TSPAN2: variants seen among roughly 807,000 people sequenced by gnomAD.
TSPAN2 encodes the protein tetraspanin-2.
A neutral mutation model predicts 33.3 loss-of-function variants in TSPAN2; 24 were observed. That is an observed-to-expected ratio of 0.72 (90% confidence interval 0.52 to 1.01). The LOEUF (loss-of-function observed/expected upper bound fraction) is 1.01. TSPAN2 is among the 50% of genes least tolerant of loss of function. TSPAN2 has a pLI of 0.00. For synonymous variants in TSPAN2, 114 were observed against 104.5 expected (o/e 1.09, Z -0.56); for missense variants, 278 against 281.3 (o/e 0.99, Z 0.08).
At chr1:115,058,723 A>G (rs916880598) in intron 5 of TSPAN2, among the ~76,000 whole-genome samples, 160 bp downstream of exon 5, 1 of 152,178 alleles carries the variant, frequency 6.6e-6, no homozygotes, top group Non-Finnish European at 1.5e-5. Flanking sequence ...CTAGGGTTCC[A>G]CACATAATGC....
chr1:115,059,591 C>T (rs1356662648), intron 4 of TSPAN2, among the ~76,000 whole-genome samples: 3 of 152,328 alleles, frequency 2.0e-5, no homozygotes, highest in Non-Finnish European at 2.9e-5. Context: ...AAAAGGTATT[C>T]ATCACCAAGG....
intron 1 of TSPAN2, 139 bp downstream of exon 1, chr1:115,089,225 C>G: frequency 1.7e-6 from 1 of 593,476 alleles, no homozygotes; most frequent in Non-Finnish European, 2.8e-6. Flanking sequence ...TGTTTGCCTT[C>G]TCCTCGCCTC....
At position 115,081,194 on chromosome 1, in the gene TSPAN2, AT is replaced by A. The variant is rs1648611640; in HGVS notation, c.69+8169del. On this transcript the variant is annotated intron_variant, in intron 1 of 7. Transcript: ENST00000369516. ...TCTATAGAGATTTTTCTTAAAAGCCATTTTACCAGGACCTGTTTGAGGTCAG... is the reference window on the plus strand; with the variant it reads ...TCTATAGAGATTTTTCTTAAAAGCCATTTACCAGGACCTGTTTGAGGTCAG... Among the ~76,000 whole-genome samples, 3 of 152,310 alleles carry A rather than the reference AT, an allele frequency of 2.0e-5. No individual in the cohort carries two copies. The South Asian group carries it at 6.2e-4, about 32-fold the overall frequency.
chr1:115,073,418 G>A (rs1167539872), intron 1 of TSPAN2, among the ~76,000 whole-genome samples: 1 of 152,144 alleles, frequency 6.6e-6, no homozygotes, highest in Non-Finnish European at 1.5e-5. Flanking sequence ...AGGTGACTAT[G>A]TCTCAGCTGC....
chr1:115,071,756 C>G (rs762795665), intron 2 of TSPAN2, among the ~76,000 whole-genome samples: 30 of 152,174 alleles, frequency 2.0e-4, no homozygotes, highest in Non-Finnish European at 3.7e-4. Flanking sequence ...TTCTGCTACT[C>G]TCCTCTAAAA....
intron 1 of TSPAN2, 50 bp downstream of exon 1, chr1:115,089,314 C>T: frequency 1.4e-6 from 2 of 1,432,702 alleles, no homozygotes; most frequent in Non-Finnish European, 1.9e-6. Context: ...GGCCCCGCGC[C>T]CGCCACCCGG....
At position 115,062,057 on chromosome 1, in the gene TSPAN2, G is replaced by T. The variant is rs772044723; in HGVS notation, c.270+78C>A. 48 of 1,265,056 alleles carry T rather than the reference G, an allele frequency of 3.8e-5. No individual in the cohort carries two copies. In the Middle Eastern group the frequency reaches 6.2e-4, roughly 16 times the overall value. 78.4% of individuals were successfully genotyped at this position (1,265,056 alleles called of 1,614,324 possible). The stretch of plus-strand genomic sequence containing the variant: ...GTCCACGGAGGAGCTGGAGCCAGGG[G>T]CCAGAGGCACTGACTCCCTTCAGAT... On this transcript the variant is annotated intron_variant, in intron 3 of 7. Coordinates refer to ENST00000369516, the MANE Select transcript of TSPAN2 (RefSeq NM_005725.6).
At chr1:115,071,057 TC>T (rs1648152186) in intron 2 of TSPAN2, among the ~76,000 whole-genome samples, 1 of 152,188 alleles carries the variant, frequency 6.6e-6, no homozygotes, top group African/African-American at 2.4e-5. Context: ...CAGTTTTATG[TC>T]TACGGCAGAT....
chr1:115,086,043 G>A (rs1168192768), intron 1 of TSPAN2, among the ~76,000 whole-genome samples: 1 of 152,140 alleles, frequency 6.6e-6, no homozygotes, highest in Non-Finnish European at 1.5e-5. Context: ...CAAATGGCAA[G>A]TCACTTGGCA....
At chr1:115,085,511 G>A (rs1252838698) in intron 1 of TSPAN2, among the ~76,000 whole-genome samples, 3 of 152,270 alleles carry the variant, frequency 2.0e-5, no homozygotes, top group African/African-American at 7.2e-5. Flanking sequence ...TTGGAAGGAA[G>A]TGCTGTCACC....
Position 115,089,488 on chromosome 1 carries a change from A to T in TSPAN2, c.-56T>A. On this transcript the variant is annotated 5_prime_UTR_variant, in exon 1 of 8. Coordinates refer to ENST00000369516, the MANE Select transcript of TSPAN2 (RefSeq NM_005725.6). Reference sequence around the variant, plus strand: ...CCAGGCCCGCGCTACGAGCGCGGGGAGCGGCAGGCTCCGGCGGGGAGGGGG... The same window carrying T: ...CCAGGCCCGCGCTACGAGCGCGGGGTGCGGCAGGCTCCGGCGGGGAGGGGG... The T allele has an allele frequency of 3.9e-6, 5 of 1,270,848 alleles. No individual in the cohort carries two copies. Among genetic ancestry groups the T allele is most frequent in the South Asian group, 1.9e-5 (1 of 51,648 alleles). The allele number at this position is 1,270,848 out of a possible 1,614,324, so 78.7% of individuals were successfully genotyped here.
chr1:115,086,982 C>G (rs1220735009), intron 1 of TSPAN2, among the ~76,000 whole-genome samples: 1 of 152,014 alleles, frequency 6.6e-6, no homozygotes, highest in Non-Finnish European at 1.5e-5. Flanking sequence ...CAATGTGGCA[C>G]CATCTCAGCT....
chr1:115,063,404 T>C (rs929778588), intron 2 of TSPAN2, among the ~76,000 whole-genome samples: 6 of 152,146 alleles, frequency 3.9e-5, no homozygotes, highest in Non-Finnish European at 2.9e-5. Context: ...TGGCTTTTGT[T>C]AAAAAGTCAA....
At chr1:115,067,618 G>A (rs1404404277) in intron 2 of TSPAN2, among the ~76,000 whole-genome samples, 2 of 151,928 alleles carry the variant, frequency 1.3e-5, no homozygotes, top group East Asian at 1.9e-4. Flanking sequence ...CTTGGTGTTC[G>A]GCACTGGAAT....
intron 1 of TSPAN2, among the ~76,000 whole-genome samples, chr1:115,074,866 C>T (rs1014908411): frequency 1.3e-5 from 2 of 152,120 alleles, no homozygotes; most frequent in African/African-American, 4.8e-5. Context: ...TGGTCAATCA[C>T]CTAGGTTCCT....
chr1:115,049,333 T>C lies in TSPAN2; in HGVS notation c.*1157A>G, dbSNP rs1570961254. On this transcript the variant is annotated 3_prime_UTR_variant, in exon 8 of 8. Transcript: ENST00000369516. ...CTTGTTTCTGTTGCCCACACACAACTAGGAGAAGATGCTTTTCTTTATTTT... is the reference window on the plus strand; with the variant it reads ...CTTGTTTCTGTTGCCCACACACAACCAGGAGAAGATGCTTTTCTTTATTTT... 6.5e-6 allele frequency: 1 copy of C among 152,734 alleles called. No individual in the cohort carries two copies. The highest frequency in any genetic ancestry group is 2.4e-5 in the African/African-American group (1 of 41,574). The allele number at this position is 152,734 out of a possible 1,614,324, so 9.5% of individuals were successfully genotyped here.
rs990764501 is a variant in TSPAN2 at position 115,060,496 on chromosome 1, T to C, written c.313A>G (p.Thr105Ala). 11 of 1,613,578 alleles carry C rather than the reference T, an allele frequency of 6.8e-6. No individual in the cohort carries two copies. Among genetic ancestry groups the C allele is most frequent in the Non-Finnish European group, 9.3e-6 (11 of 1,179,772 alleles). ...LLVIFAAEVT[T>A]GVFAFIGKGV... ...TTGCCTATAAAAGCAAATACTCCAG[T>C]GGTTACTTCAGCAGCAAATATCACC... The change falls in exon 4 of 8, where the codon ACT becomes GCT. Residue 105 changes from threonine to alanine, a missense_variant. By Grantham distance (58) the Thr-to-Ala change is moderately conservative (BLOSUM62 0). Transcript: ENST00000369516.
chr1:115,088,293 C>A (rs983690426), intron 1 of TSPAN2, among the ~76,000 whole-genome samples: 2 of 152,160 alleles, frequency 1.3e-5, no homozygotes, highest in African/African-American at 4.8e-5. Flanking sequence ...AAGACAACGT[C>A]CCCCAGAGCA....
intron 1 of TSPAN2, among the ~76,000 whole-genome samples, chr1:115,077,743 T>C (rs1204411092): frequency 6.6e-6 from 1 of 152,236 alleles, no homozygotes; most frequent in East Asian, 1.9e-4. Flanking sequence ...TGTCCTATCT[T>C]GAGGACATAT....
Sources: gnomAD v4.1 joint callset for allele counts (sites outside exome capture counted in the v4.1 genomes callset) on GRCh38, gnomAD v4.1.1 for gene constraint, MANE v1.5 for transcripts, NCBI Gene and HGNC (gene_info 2026-07-23, HGNC 2026-07-21) for gene names.